The following TEX9 variants were observed in gnomAD, a reference collection of about 807,000 sequenced individuals.
TEX9 encodes the protein testis-expressed protein 9.
In TEX9, 74 loss-of-function variants were observed where a neutral mutation model predicts 59.6. That is an observed-to-expected ratio of 1.24 (90% CI 1.03 to 1.51). The LOEUF is 1.51. Ranked by LOEUF, TEX9 falls within the 40% of genes most tolerant of loss-of-function variation. The probability of loss-of-function intolerance (pLI) is 0.00; values close to 1 mark genes in which losing one functional copy is unlikely to be tolerated. For missense variants in TEX9, 522 were observed against 447.8 expected (o/e 1.17, Z -1.49); for synonymous variants, 186 against 152.2 (o/e 1.22, Z -1.64).
intron 11 of TEX9, among the ~76,000 whole-genome samples, 178 bp from the exon 12 acceptor site, chr15:56,428,189 G>T (rs795786): frequency 6.6e-6 from 1 of 151,742 alleles, no homozygotes. Context: ...AGTTGGTTCA[G>T]TACTACTGTT....
chr15:56,274,699 T>C (rs145168444), intron 1 of TEX9: 1 of 152,210 alleles, frequency 6.6e-6, no homozygotes, highest in East Asian at 1.9e-4. Context: ...GTAAGTAGTA[T>C]TTATGCCTGA....
In TEX9 at chr15:56,365,573, T is replaced by C. The variant is rs1409612736; in HGVS notation, c.28-6T>C. ...TCGGGTCTGAAAGTCTGTGGCTCTT[T>C]TACAGAGAAGCAGCGTTCCAGGGAC... On this transcript the variant is annotated splice_polypyrimidine_tract_variant and splice_region_variant and intron_variant, in intron 1 of 12. Transcript: ENST00000352903. 5 of 1,614,100 alleles carry C rather than the reference T, an allele frequency of 3.1e-6. No homozygotes were observed. Among genetic ancestry groups the C allele is most frequent in the East Asian group, 2.2e-5 (1 of 44,892 alleles).
chr15:56,365,762 C>T (rs1165860239), intron 2 of TEX9, 92 bp downstream of exon 2: 116 of 1,545,330 alleles, frequency 7.5e-5, no homozygotes, highest in Non-Finnish European at 8.6e-5. Context: ...GCTGGATCTT[C>T]GGGACCACTC....
At chr15:56,391,674 T>C (rs1733777161) in intron 7 of TEX9, among the ~76,000 whole-genome samples, 1 of 152,122 alleles carries the variant, frequency 6.6e-6, no homozygotes, top group African/African-American at 2.4e-5. Context: ...TTATGTTTCA[T>C]ATTTTCCATT....
At chr15:56,383,167 T>G (rs2047809140) in intron 3 of TEX9, among the ~76,000 whole-genome samples, 1 of 152,166 alleles carries the variant, frequency 6.6e-6, no homozygotes, top group African/African-American at 2.4e-5. Flanking sequence ...TGCTCTCCAC[T>G]CTGACAGGGC....
chr15:56,349,803 G>A (rs1165716367), intron 1 of TEX9, among the ~76,000 whole-genome samples: 1 of 151,946 alleles, frequency 6.6e-6, no homozygotes, highest in Admixed American at 6.6e-5. Flanking sequence ...ATATGTATGT[G>A]TGTGCGTGTG....
At position 56,316,105 on chromosome 15, in the gene TEX9, C is replaced by T. The variant is rs1197676859; in HGVS notation, c.-106-57336C>T. ...TTTGCCTTTGGTTTGAATATCCTCC[C>T]GTAGCTCAGAGTAATTTGATCGTCT... On this transcript the variant is annotated intron_variant, in intron 1 of 5. Coordinates refer to the TEX9 transcript ENST00000560827. Among the ~76,000 whole-genome samples, 13 of 147,266 alleles carry T rather than the reference C, an allele frequency of 8.8e-5. 2 individuals carry two copies. The highest frequency in any genetic ancestry group is 1.4e-4 in the Admixed American group (2 of 14,298).
At chr15:56,273,839 C>A (rs1051161091) in intron 1 of TEX9, among the ~76,000 whole-genome samples, 1 of 152,118 alleles carries the variant, frequency 6.6e-6, no homozygotes, top group Admixed American at 6.5e-5. Context: ...TGTCTTTTTA[C>A]GTCTGGTTGT....
intron 10 of TEX9, among the ~76,000 whole-genome samples, chr15:56,422,784 T>G (rs1395279592): frequency 6.6e-6 from 1 of 152,066 alleles, no homozygotes; most frequent in Admixed American, 6.6e-5. Flanking sequence ...ACTGAAACTC[T>G]CTACCAATTA....
intron 12 of TEX9, among the ~76,000 whole-genome samples, chr15:56,439,769 AAAAAC>A (rs1404357277): frequency 1.3e-5 from 2 of 151,568 alleles, no homozygotes; most frequent in Admixed American, 6.6e-5. Context: ...AAAAACCCAA[AAAAAC>A]AAAACACACA....
At chr15:56,255,214 T>C (rs188457689) in intron 1 of TEX9, among the ~76,000 whole-genome samples, 70 of 152,216 alleles carry the variant, frequency 4.6e-4, no homozygotes, top group South Asian at 2.5e-3. Context: ...TCATAGATAA[T>C]ATGTAAATGA....
chr15:56,300,742 A>AGAGAGAGAGAGAGAGG (rs1378888730), intron 1 of TEX9, among the ~76,000 whole-genome samples: 4 of 145,054 alleles, frequency 2.8e-5, no homozygotes, highest in East Asian at 2.0e-4. Flanking sequence ...AGAGAGAGAG[A>AGAGAGAGAGAGAGAGG]GAGACTTCAT....
chr15:56,332,692 A>G lies in TEX9; in HGVS notation c.-106-40749A>G, dbSNP rs115342734. 7.9e-3 allele frequency among the ~76,000 whole-genome samples: 1,205 copies of G among 152,176 alleles called. 13 individuals carry two copies. Among genetic ancestry groups the G allele is most frequent in the African/African-American group, 0.027 (1,128 of 41,552 alleles). On this transcript the variant is annotated intron_variant, in intron 1 of 5. Coordinates refer to the TEX9 transcript ENST00000560827. ...AGAAGAAAAGAAATAAGACCAGAGC[A>G]GAAATAAATAAAATTGAAATGAAAA...
At chr15:56,261,452 T>A (rs1215299612) in intron 1 of TEX9, among the ~76,000 whole-genome samples, 1 of 151,924 alleles carries the variant, frequency 6.6e-6, no homozygotes, top group Non-Finnish European at 1.5e-5. Flanking sequence ...GCGCAGTGGC[T>A]CATGCCTGTA....
intron 2 of TEX9, among the ~76,000 whole-genome samples, chr15:56,373,161 G>C (rs2047268226): frequency 6.6e-6 from 1 of 152,166 alleles, no homozygotes; most frequent in African/African-American, 2.4e-5. Flanking sequence ...AACTCACCCA[G>C]CTTATTCTTC....
At chr15:56,446,727 T>A (rs1240518742), downstream of TEX9, 5 of 712,500 alleles carry the variant, frequency 7.0e-6, no homozygotes, top group Middle Eastern at 3.3e-4. Context: ...TTACAAATAT[T>A]TAAGAAATCT....
intron 1 of TEX9, among the ~76,000 whole-genome samples, chr15:56,346,401 A>C (rs1232736288): frequency 6.6e-6 from 1 of 152,114 alleles, no homozygotes; most frequent in East Asian, 1.9e-4. Context: ...CAGGATTGCA[A>C]ATGGTGTTTC....
chr15:56,425,550 ATTTG>A (rs1400260775), intron 10 of TEX9, among the ~76,000 whole-genome samples: 1 of 151,930 alleles, frequency 6.6e-6, no homozygotes, highest in African/African-American at 2.4e-5. Context: ...CAGCTTTAGA[ATTTG>A]TTTGGTTCTT....
chr15:56,283,461 T>A (rs2141465436), intron 1 of TEX9, among the ~76,000 whole-genome samples: 1 of 152,252 alleles, frequency 6.6e-6, no homozygotes, highest in South Asian at 2.1e-4. Flanking sequence ...TAAATTTGAA[T>A]ATAATATGAA....
Sources: gnomAD v4.1 joint callset for allele counts (sites outside exome capture counted in the v4.1 genomes callset) on GRCh38, gnomAD v4.1.1 for gene constraint, MANE v1.5 for transcripts, NCBI Gene and HGNC (gene_info 2026-07-23, HGNC 2026-07-21) for gene names.